The following ENO4 variants were observed in gnomAD, a reference collection of about 807,000 sequenced individuals.
ENO4 encodes 2-phospho-D-glycerate hydro-lyase.
In ENO4, 53 loss-of-function variants were observed where a neutral mutation model predicts 63.2. The ratio of observed to expected loss-of-function variants is 0.84; its 90% CI spans 0.67 to 1.05. The LOEUF (loss-of-function observed/expected upper bound fraction) is 1.05. Among genes scored for constraint, ENO4 ranks in the 50% least tolerant of loss-of-function variants. ENO4 has a pLI of 0.00. For synonymous variants in ENO4, 266 were observed against 283.8 expected (o/e 0.94, Z 0.63); for missense variants, 719 against 772.0 (o/e 0.93, Z 0.81).
intron 10 of ENO4, among the ~76,000 whole-genome samples, chr10:116,905,013 A>G (rs977760076): frequency 1.9e-4 from 29 of 151,606 alleles, no homozygotes; most frequent in Non-Finnish European, 3.8e-4. Context: ...CATCCTGGCT[A>G]ACAAGGTGAA....
chr10:116,893,597 C>CACACACACACACACACACAT (rs3981216), intron 10 of ENO4, among the ~76,000 whole-genome samples: 1 of 151,342 alleles, frequency 6.6e-6, no homozygotes, highest in South Asian at 2.1e-4. Context: ...CACACACACA[C>CACACACACACACACACACAT]GAGAAAGAAA....
intron 7 of ENO4, among the ~76,000 whole-genome samples, chr10:116,864,791 G>A (rs1846508788): frequency 2.6e-5 from 4 of 152,090 alleles, no homozygotes; most frequent in African/African-American, 4.8e-5. Context: ...AGCCTGAGGC[G>A]GGCAAATCAC....
In ENO4 at chr10:116,876,190, T is replaced by C; in HGVS notation, c.1467T>C (p.Asn489=). ...EQGNISIPKS[N]GLIIKHTNQT... is the part of the protein sequence containing the mutation. The stretch of plus-strand genomic sequence containing the variant: ...GAAACATCAGCATCCCCAAATCCAA[T>C]GGGCTGATCATAAAACACACAAACC... The change falls in exon 11 of 14, where the codon AAT becomes AAC. Residue 489 remains asparagine, a synonymous_variant. Transcript: ENST00000341276. 1 of 1,550,524 alleles carries C rather than the reference T, an allele frequency of 6.4e-7. No homozygotes were observed. Among genetic ancestry groups the C allele is most frequent in the Non-Finnish European group, 8.7e-7 (1 of 1,146,982 alleles).
Position 116,908,601 on chromosome 10 carries a change from C to T in ENO4, c.1195-2898C>T, listed in dbSNP as rs116178323. On this transcript the variant is annotated intron_variant, in intron 10 of 10. Coordinates refer to the ENO4 transcript ENST00000369207. ...ATCACTACTAAAATAAGTTGTAAAA[C>T]TACTACATTGTTTCAATAGCAAGGA... Among the ~76,000 whole-genome samples the T allele has an allele frequency of 3.5e-3, 526 of 152,256 alleles. 5 individuals are homozygous for T. Among genetic ancestry groups the T allele is most frequent in the African/African-American group, 0.012 (503 of 41,554 alleles).
chr10:116,901,169 G>T (rs1847719992), intron 10 of ENO4: 6 of 985,340 alleles, frequency 6.1e-6, no homozygotes, highest in Non-Finnish European at 7.2e-6. Flanking sequence ...AAAAAGAGCT[G>T]CCATTGTTAT....
At chr10:116,858,254 G>A (rs1289796728) in intron 3 of ENO4, among the ~76,000 whole-genome samples, 1 of 152,150 alleles carries the variant, frequency 6.6e-6, no homozygotes, top group Admixed American at 6.5e-5. Context: ...GTAAGGATGA[G>A]AAAGGGTATA....
chr10:116,895,019 C>CA (rs1847466760), intron 10 of ENO4, among the ~76,000 whole-genome samples: 1 of 152,102 alleles, frequency 6.6e-6, no homozygotes. Context: ...AACACAAACT[C>CA]AAAGGTGTTA....
chr10:116,850,422 T>C (rs1480339328), intron 1 of ENO4, among the ~76,000 whole-genome samples: 2 of 152,104 alleles, frequency 1.3e-5, no homozygotes, highest in Non-Finnish European at 2.9e-5. Context: ...TCCGGGTCTC[T>C]GCCCAGCCCT....
chr10:116,886,328 GCTT>G (rs1248574364), downstream of ENO4: 57 of 1,552,176 alleles, frequency 3.7e-5, no homozygotes, highest in Non-Finnish European at 5.0e-5. Flanking sequence ...AACATGTCAG[GCTT>G]CTGGTTTATG....
chr10:116,895,032 C>T (rs1440576951), intron 10 of ENO4, among the ~76,000 whole-genome samples: 4 of 152,090 alleles, frequency 2.6e-5, no homozygotes, highest in Non-Finnish European at 5.9e-5. Context: ...AGGTGTTAAC[C>T]AGTAATTGAC....
At chr10:116,892,861 A>G (rs1847380675) in intron 10 of ENO4, among the ~76,000 whole-genome samples, 1 of 152,226 alleles carries the variant, frequency 6.6e-6, no homozygotes, top group South Asian at 2.1e-4. Flanking sequence ...AAAAGGAAAC[A>G]TAAACACTGT....
chr10:116,885,096 A>G (rs1847124770), downstream of ENO4: 1 of 152,630 alleles, frequency 6.6e-6, no homozygotes, highest in Non-Finnish European at 1.5e-5. Context: ...CCACCTCTTC[A>G]AGCCTATGCT....
chr10:116,850,127 GCTC>G, intron 1 of ENO4: 1 of 296,002 alleles, frequency 3.4e-6, no homozygotes, highest in Non-Finnish European at 6.6e-6. Context: ...ACCTTAAGCA[GCTC>G]CTCTTTGATC....
At chr10:116,886,454 C>T (rs751085650), downstream of ENO4, 1 of 1,613,516 alleles carries the variant, frequency 6.2e-7, no homozygotes, top group Non-Finnish European at 8.5e-7. Flanking sequence ...TTTTCAGCAA[C>T]CTGGTCTTTG....
chr10:116,865,917 G>T (rs1028274710), intron 7 of ENO4, among the ~76,000 whole-genome samples: 1 of 152,048 alleles, frequency 6.6e-6, no homozygotes, highest in Non-Finnish European at 1.5e-5. Flanking sequence ...AGTTTACTAC[G>T]TACCATCCTG....
At position 116,882,325 on chromosome 10, in the gene ENO4, GAATT is replaced by G. The variant is rs1490816584; in HGVS notation, c.*660_*663del. The G allele has an allele frequency of 6.7e-6, 1 of 149,544 alleles. No individual in the cohort carries two copies. The highest frequency in any genetic ancestry group is 6.7e-5 in the Admixed American group (1 of 14,908). The allele number at this position is 149,544 out of a possible 1,614,324, so 9.3% of individuals were successfully genotyped here. A position where few individuals can be genotyped will look rare whatever the true frequency, so the allele number is the denominator to read the frequency against. ...TAAATGAATAAGCACATCAGTAAAT[GAATT>G]AATATTCTCAAGGTTATTAAATGCC... On this transcript the variant is annotated 3_prime_UTR_variant, in exon 14 of 14. Transcript: ENST00000341276.
At chr10:116,899,154 A>T (rs1847629863) in intron 10 of ENO4, among the ~76,000 whole-genome samples, 1 of 152,180 alleles carries the variant, frequency 6.6e-6, no homozygotes, top group Admixed American at 6.5e-5. Context: ...ACAGGAAAAA[A>T]TTCTTACCCT....
intron 10 of ENO4, chr10:116,902,084 G>A: frequency 1.3e-6 from 1 of 795,854 alleles, no homozygotes; most frequent in Non-Finnish European, 1.9e-6. Flanking sequence ...AATTTCAAGA[G>A]CATGCTGGAA....
At chr10:116,868,750 T>C (rs1363628620) in intron 8 of ENO4, 44 bp downstream of exon 8, 4 of 1,505,908 alleles carry the variant, frequency 2.7e-6, no homozygotes, top group Non-Finnish European at 3.6e-6. Context: ...TGACACTGTC[T>C]ATAAATTTCC....
Sources: allele counts gnomAD v4.1 joint callset (sites outside exome capture counted in the v4.1 genomes callset), GRCh38; gene constraint gnomAD v4.1.1; transcripts MANE v1.5; gene names NCBI Gene and HGNC (gene_info 2026-07-23, HGNC 2026-07-21).